The following GPATCH2 variants were observed in gnomAD, a reference collection of about 807,000 sequenced individuals.
GPATCH2 encodes G-patch domain containing 2, also known as G patch domain-containing protein 2.
In GPATCH2, 51 loss-of-function variants were observed where a neutral mutation model predicts 58.0. The observed-to-expected ratio is 0.88, with a 90% CI of 0.70 to 1.11. GPATCH2 has a LOEUF of 1.11. GPATCH2 is among the 50% of genes most tolerant of loss of function. GPATCH2 has a pLI of 0.00. For missense variants in GPATCH2, 625 were observed against 652.2 expected (o/e 0.96, Z 0.45); for synonymous variants, 222 against 218.5 (o/e 1.02, Z -0.14).
At chr1:217,474,205 T>C (rs1660870212) in intron 8 of GPATCH2, among the ~76,000 whole-genome samples, 1 of 152,184 alleles carries the variant, frequency 6.6e-6, no homozygotes, top group South Asian at 2.1e-4. Flanking sequence ...AATCCTGCCC[T>C]TTTAGGAAAA....
intron 7 of GPATCH2, among the ~76,000 whole-genome samples, chr1:217,496,097 C>T (rs1661993839): frequency 6.6e-6 from 1 of 152,162 alleles, no homozygotes. Context: ...TTGCACCTGA[C>T]TTTAGACAAC....
intron 9 of GPATCH2, among the ~76,000 whole-genome samples, chr1:217,437,556 G>A (rs1010262548): frequency 1.3e-5 from 2 of 152,164 alleles, no homozygotes; most frequent in Admixed American, 6.5e-5. Flanking sequence ...GGGAAGGGGC[G>A]TCCGCCATTA....
chr1:217,484,807 G>C (rs1418021089), intron 8 of GPATCH2, among the ~76,000 whole-genome samples: 3 of 150,740 alleles, frequency 2.0e-5, no homozygotes, highest in African/African-American at 7.3e-5. Flanking sequence ...AGATATATAT[G>C]TATATGTGTA....
At chr1:217,578,136 T>TG (rs1223767811) in intron 5 of GPATCH2, among the ~76,000 whole-genome samples, 82 of 130,688 alleles carry the variant, frequency 6.3e-4, no homozygotes, top group African/African-American at 1.6e-3. Flanking sequence ...ATTTAATGGC[T>TG]GGGGGGGGAT....
chr1:217,430,401 T>G lies in GPATCH2; in HGVS notation c.*744A>C, dbSNP rs1173263628. On this transcript the variant is annotated 3_prime_UTR_variant, in exon 10 of 10. Transcript: ENST00000366935. ...AATTTACAGTTCAATCACGGTGAAT[T>G]TAAAAAATACATTTTTCTTTCAATA... 6.6e-6 allele frequency: 1 copy of G among 152,190 alleles called. No homozygotes were observed. Among genetic ancestry groups the G allele is most frequent in the African/African-American group, 2.4e-5 (1 of 41,444 alleles). The allele number at this position is 152,190 out of a possible 1,614,324, so 9.4% of individuals were successfully genotyped here.
In GPATCH2 at chr1:217,433,644, C is replaced by T. The variant is rs1158590895; in HGVS notation, c.1367-2279G>A. Among the ~76,000 whole-genome samples the T allele has an allele frequency of 4.6e-5, 7 of 152,260 alleles. No homozygotes were observed. In the South Asian group the frequency reaches 1.2e-3, roughly 27 times the overall value. ...CTCCTCACCTCAGGTGATCCACCTGCCTTAGCCTCCCAAAGTTCTGGGATT... is the reference window on the plus strand; with the variant it reads ...CTCCTCACCTCAGGTGATCCACCTGTCTTAGCCTCCCAAAGTTCTGGGATT... On this transcript the variant is annotated intron_variant, in intron 9 of 9. Coordinates refer to ENST00000366935, the MANE Select transcript of GPATCH2 (RefSeq NM_018040.5).
intron 5 of GPATCH2, among the ~76,000 whole-genome samples, chr1:217,568,240 T>C (rs536631677): frequency 3.9e-5 from 6 of 152,278 alleles, no homozygotes; most frequent in African/African-American, 1.4e-4. Flanking sequence ...CATTAAAATG[T>C]ATGGTTATTA....
At chr1:217,584,811 T>C (rs1292817337) in intron 5 of GPATCH2, among the ~76,000 whole-genome samples, 6 of 152,224 alleles carry the variant, frequency 3.9e-5, no homozygotes, top group South Asian at 4.1e-4. Flanking sequence ...TAAATACATG[T>C]CCACATATAT....
chr1:217,445,517 T>C (rs1186774050), intron 9 of GPATCH2, among the ~76,000 whole-genome samples: 1 of 152,122 alleles, frequency 6.6e-6, no homozygotes, highest in Admixed American at 6.5e-5. Flanking sequence ...ATAAAATGCA[T>C]TCTGCTGGCA....
At chr1:217,444,526 T>G (rs1466934873) in intron 9 of GPATCH2, among the ~76,000 whole-genome samples, 2 of 152,234 alleles carry the variant, frequency 1.3e-5, no homozygotes, top group East Asian at 1.9e-4. Flanking sequence ...GAAACAGCAA[T>G]TCTTTTCTAT....
chr1:217,464,806 C>T (rs1446724369), intron 8 of GPATCH2, among the ~76,000 whole-genome samples: 2 of 152,136 alleles, frequency 1.3e-5, no homozygotes, highest in African/African-American at 4.8e-5. Flanking sequence ...TGTCTCATGT[C>T]TCCTTCTTAA....
chr1:217,601,059 C>T (rs959916383), intron 5 of GPATCH2, among the ~76,000 whole-genome samples: 3 of 151,950 alleles, frequency 2.0e-5, no homozygotes, highest in Admixed American at 1.3e-4. Context: ...ATGCAGAAAG[C>T]ATGGTATTTC....
intron 5 of GPATCH2, among the ~76,000 whole-genome samples, chr1:217,590,656 C>A (rs1008370258): frequency 2.0e-5 from 3 of 152,152 alleles, no homozygotes; most frequent in Non-Finnish European, 2.9e-5. Flanking sequence ...CCAGGGAATG[C>A]ACTTTCTAGT....
intron 9 of GPATCH2, among the ~76,000 whole-genome samples, chr1:217,442,021 T>C (rs1659167832): frequency 6.6e-6 from 1 of 152,228 alleles, no homozygotes; most frequent in Admixed American, 6.5e-5. Context: ...TAAATCATTC[T>C]ACTATAAAGA....
Position 217,610,895 on chromosome 1 carries a change from T to G in GPATCH2, c.1012A>C (p.Arg338=). The G allele has an allele frequency of 6.2e-7, 1 of 1,609,888 alleles. No individual in the cohort carries two copies. Among genetic ancestry groups the G allele is most frequent in the Non-Finnish European group, 8.5e-7 (1 of 1,177,246 alleles). The change falls in exon 4 of 10, where the codon AGA becomes CGA. Residue 338 remains arginine, a synonymous_variant. Transcript: ENST00000366935. ...GSFPLMSHPS[R]RGFQARLSRL... ...GGGAGCCAGTGCTACTGACCTCTTCTGCTTGGGTGTGACATAAGGGGAAAA... is the reference window on the plus strand; with the variant it reads ...GGGAGCCAGTGCTACTGACCTCTTCGGCTTGGGTGTGACATAAGGGGAAAA...
intron 9 of GPATCH2, among the ~76,000 whole-genome samples, chr1:217,442,629 T>C (rs1659197678): frequency 7.2e-6 from 1 of 139,846 alleles, no homozygotes; most frequent in African/African-American, 3.1e-5. Flanking sequence ...ATAGCAAATC[T>C]GAGTAAAGAG....
chr1:217,485,049 A>G (rs1661396064), intron 8 of GPATCH2, among the ~76,000 whole-genome samples: 2 of 152,138 alleles, frequency 1.3e-5, no homozygotes, highest in South Asian at 4.1e-4. Flanking sequence ...AAGTCCCACA[A>G]TCTGTGGTCT....
At chr1:217,608,199 A>T (rs1376887169) in intron 5 of GPATCH2, 2 of 847,598 alleles carry the variant, frequency 2.4e-6, no homozygotes, top group African/African-American at 3.7e-5. Flanking sequence ...TTTCTTGCCC[A>T]AGTCAGAGAT....
chr1:217,571,703 CAAA>C (rs11463536), intron 5 of GPATCH2, among the ~76,000 whole-genome samples: 3 of 73,810 alleles, frequency 4.1e-5, no homozygotes, highest in Non-Finnish European at 7.5e-5. Context: ...AAAACGAAAC[CAAA>C]AAAAAAAAAA....
Sources: allele counts gnomAD v4.1 joint callset (sites outside exome capture counted in the v4.1 genomes callset), GRCh38; gene constraint gnomAD v4.1.1; transcripts MANE v1.5; gene names NCBI Gene and HGNC (gene_info 2026-07-23, HGNC 2026-07-21).